CELSR1: variants seen among roughly 807,000 people sequenced by gnomAD.
The protein encoded by CELSR1 is cadherin EGF LAG seven-pass G-type receptor 1.
A neutral mutation model predicts 249.1 loss-of-function variants in CELSR1; 110 were observed. The observed-to-expected ratio is 0.44, with a 90% CI of 0.38 to 0.52. The LOEUF (loss-of-function observed/expected upper bound fraction) is 0.52, where lower values mean the gene tolerates loss of function less well. Among genes scored for constraint, CELSR1 ranks in the 20% least tolerant of loss-of-function variants. The probability of loss-of-function intolerance (pLI) is 0.00; values close to 1 mark genes in which losing one functional copy is unlikely to be tolerated. For missense variants in CELSR1, 4,109 were observed against 4,296.4 expected (o/e 0.96, Z 1.22); for synonymous variants, 2,113 against 1,900.0 (o/e 1.11, Z -2.92).
In CELSR1 at chr22:46,527,487, A is replaced by G. The variant is rs773197600; in HGVS notation, c.3544+6140T>C. 1.3e-5 allele frequency among the ~76,000 whole-genome samples: 2 copies of G among 152,188 alleles called. No homozygotes were observed. Among genetic ancestry groups the G allele is most frequent in the African/African-American group, 2.4e-5 (1 of 41,446 alleles). Reference sequence around the variant, plus strand: ...GTCCAGGGGGGTAGAGAAGAGTCCCAGCCCGCCCTTGCCTGCACCTGGTGT... The same window carrying G: ...GTCCAGGGGGGTAGAGAAGAGTCCCGGCCCGCCCTTGCCTGCACCTGGTGT... On this transcript the variant is annotated intron_variant, in intron 1 of 34. Transcript: ENST00000674500. This position sits in a 1 kb window ranked among gnomAD's most constrained non-coding sequence, Gnocchi z 5.5.
intron 2 of CELSR1, among the ~76,000 whole-genome samples, chr22:46,456,238 C>G (rs1278654852): frequency 2.0e-5 from 3 of 152,254 alleles, no homozygotes; most frequent in Non-Finnish European, 4.4e-5. Context: ...GCAGACGTCA[C>G]TCCGCAGGGT....
At chr22:46,368,421 A>G (rs557964493) in intron 27 of CELSR1, among the ~76,000 whole-genome samples, 16 of 149,890 alleles carry the variant, frequency 1.1e-4, no homozygotes, top group Middle Eastern at 3.4e-3. Context: ...GCACCCCCAT[A>G]TCCGGCCTTC....
intron 18 of CELSR1, among the ~76,000 whole-genome samples, chr22:46,387,040 G>T (rs1246054220): frequency 6.6e-6 from 1 of 152,140 alleles, no homozygotes; most frequent in Non-Finnish European, 1.5e-5. Context: ...TTACAGGCGT[G>T]AGCCACCACG....
At chr22:46,370,317 G>A (rs1299267665) in intron 25 of CELSR1, 3 of 361,510 alleles carry the variant, frequency 8.3e-6, no homozygotes, top group Non-Finnish European at 1.7e-5. Flanking sequence ...CCATACACAT[G>A]TACATACCCT....
At chr22:46,415,725 T>C (rs1040937390) in intron 5 of CELSR1, among the ~76,000 whole-genome samples, 2 of 152,168 alleles carry the variant, frequency 1.3e-5, no homozygotes, top group Admixed American at 1.3e-4. Context: ...AATTTTTCCC[T>C]GACATGGAGA....
At chr22:46,392,254 G>C (rs2079101594) in intron 14 of CELSR1, among the ~76,000 whole-genome samples, 3 of 152,224 alleles carry the variant, frequency 2.0e-5, no homozygotes, top group Admixed American at 2.0e-4. Flanking sequence ...GAAAGTCCTG[G>C]GTTCATGCCT....
chr22:46,493,868 C>T (rs181046661), intron 1 of CELSR1, among the ~76,000 whole-genome samples: 4 of 152,244 alleles, frequency 2.6e-5, no homozygotes, highest in Admixed American at 2.0e-4. Flanking sequence ...GACTGTGAGT[C>T]AATTAAACCA....
rs138570996 is a variant in CELSR1 at position 46,427,411 on chromosome 22, C to T, written c.4611+5982G>A. 0.048 allele frequency among the ~76,000 whole-genome samples: 7,294 copies of T among 152,302 alleles called. 199 individuals carry two copies. The highest frequency in any genetic ancestry group is 0.082 in the Middle Eastern group (24 of 294). On this transcript the variant is annotated intron_variant, in intron 5 of 34. Transcript: ENST00000674500. The surrounding 1 kb of genome is among the most constrained non-coding windows in gnomAD (Gnocchi z 4.2). ...AATTAACCGGGTGTGGTGGCGCGCACCTGTAAACCCAGCTACTCAGGAGGC... is the reference window on the plus strand; with the variant it reads ...AATTAACCGGGTGTGGTGGCGCGCATCTGTAAACCCAGCTACTCAGGAGGC...
chr22:46,414,098 GC>G (rs2079368743), intron 5 of CELSR1, among the ~76,000 whole-genome samples: 1 of 152,174 alleles, frequency 6.6e-6, no homozygotes, highest in Non-Finnish European at 1.5e-5. Context: ...CAAAGCCAAT[GC>G]AATCCACGCT....
chr22:46,421,860 G>A (rs541750426), intron 5 of CELSR1, among the ~76,000 whole-genome samples: 122 of 152,356 alleles, frequency 8.0e-4, no homozygotes, highest in African/African-American at 2.6e-3. Context: ...GGAAGCTCAC[G>A]AAGGGCGTGA....
At position 46,463,936 on chromosome 22, in the gene CELSR1, G is replaced by C; in HGVS notation, c.3954C>G (p.Cys1318Trp). Residue 1318 changes from cysteine to tryptophan, a missense_variant, in exon 2 of 35, where the codon TGC becomes TGG. Cys to Trp is a radical substitution (Grantham distance 215, BLOSUM62 -2). This residue lies in a region of CELSR1 where 141 missense variants were observed against 209.4 expected (regional missense o/e 0.67). Coordinates refer to ENST00000674500, the MANE Select transcript of CELSR1 (RefSeq NM_001378328.1). ...LREPCENYMK[C>W]VSVLRFDSSA... ...AGCTGTCGAATCGCAGAACGGACAC[G>C]CACTTCATGTAGTTCTCGCAGGGCT... 1 of 1,614,032 alleles carries C rather than the reference G, an allele frequency of 6.2e-7. No homozygotes were observed. The highest frequency in any genetic ancestry group is 8.5e-7 in the Non-Finnish European group (1 of 1,180,024).
At position 46,446,371 on chromosome 22, in the gene CELSR1, C is replaced by T. The variant is rs1022307281; in HGVS notation, c.4184-6960G>A. ...GGGCCACCTGCCTGCTTAGGGTGAC[C>T]CTGGGGGCTCTCATGGACTCAAAAT... On this transcript the variant is annotated intron_variant, in intron 2 of 34. Transcript: ENST00000674500. The surrounding 1 kb of genome is among the most constrained non-coding windows in gnomAD (Gnocchi z 5.5). Among the ~76,000 whole-genome samples the T allele has an allele frequency of 6.6e-6, 1 of 152,152 alleles. No homozygotes were observed. Among genetic ancestry groups the T allele is most frequent in the Non-Finnish European group, 1.5e-5 (1 of 68,036 alleles).
rs1377578167 is a variant in CELSR1, at chr22:46,374,809, G to T, written c.7585-1752C>A. On this transcript the variant is annotated intron_variant, in intron 24 of 34. Transcript: ENST00000674500. The surrounding 1 kb of genome is among the most constrained non-coding windows in gnomAD (Gnocchi z 4.3). ...ATGAGAACGTGCCCATTGCGGGGAT[G>T]CGCCCGGCTGCGGATGTGAAGAAAC... Among the ~76,000 whole-genome samples, 1 of 152,168 alleles carries T rather than the reference G, an allele frequency of 6.6e-6. No homozygotes were observed. The highest frequency in any genetic ancestry group is 1.5e-5 in the Non-Finnish European group (1 of 68,040).
At chr22:46,530,089 C>A (rs1482238816) in intron 1 of CELSR1, among the ~76,000 whole-genome samples, 1 of 151,922 alleles carries the variant, frequency 6.6e-6, no homozygotes, top group Middle Eastern at 3.4e-3. Context: ...GCAGATGGAT[C>A]ACTTGAGCTC....
rs527683801 is a variant in CELSR1, at chr22:46,530,856, G to C, written c.3544+2771C>G. On this transcript the variant is annotated intron_variant, in intron 1 of 34. Coordinates refer to ENST00000674500, the MANE Select transcript of CELSR1 (RefSeq NM_001378328.1). ...TGCTGAAAGCTGGCAGCCCTTCCTG[G>C]AATGGCTCCCACTAAACGTAGTCGA... Among the ~76,000 whole-genome samples, 3 of 152,130 alleles carry C rather than the reference G, an allele frequency of 2.0e-5. No individual in the cohort carries two copies. The East Asian group carries it at 5.8e-4, about 29-fold the overall frequency.
At chr22:46,514,955 T>C (rs1372503221) in intron 1 of CELSR1, among the ~76,000 whole-genome samples, 1 of 151,934 alleles carries the variant, frequency 6.6e-6, no homozygotes, top group Non-Finnish European at 1.5e-5. Flanking sequence ...ACTCCATGCC[T>C]CCCCACAAAA....
chr22:46,460,209 A>C (rs71313050), intron 2 of CELSR1, among the ~76,000 whole-genome samples: 3,405 of 122,452 alleles, frequency 0.028, 95 homozygotes, highest in East Asian at 0.11. Flanking sequence ...ACACACACAC[A>C]CACACACCCA....
rs1222414188 is a variant in CELSR1 at position 46,448,330 on chromosome 22, C to T, written c.4184-8919G>A. On this transcript the variant is annotated intron_variant, in intron 2 of 34. Transcript: ENST00000674500. The surrounding 1 kb of genome is among the most constrained non-coding windows in gnomAD (Gnocchi z 5.7). ...CGCGAGGGGATGCTGATGTGAACCC[C>T]TGGCTCAAGAGCTCCAGAACTTACC... Among the ~76,000 whole-genome samples the T allele has an allele frequency of 6.6e-6, 1 of 152,152 alleles. No homozygotes were observed. Among genetic ancestry groups the T allele is most frequent in the Non-Finnish European group, 1.5e-5 (1 of 68,016 alleles).
intron 1 of CELSR1, among the ~76,000 whole-genome samples, chr22:46,465,393 C>A (rs1173662036): frequency 6.6e-6 from 1 of 152,180 alleles, no homozygotes; most frequent in African/African-American, 2.4e-5. Flanking sequence ...CCCCTGTCAC[C>A]CCTCAGAGTC....
Sources: allele counts gnomAD v4.1 joint callset (sites outside exome capture counted in the v4.1 genomes callset), GRCh38; gene constraint gnomAD v4.1.1; regional missense constraint gnomAD v4.1.1; non-coding constraint Gnocchi (gnomAD v3.1); transcripts MANE v1.5; gene names NCBI Gene and HGNC (gene_info 2026-07-23, HGNC 2026-07-21).